MSANTD4: variants seen among roughly 807,000 people sequenced by gnomAD.
MSANTD4 encodes the protein Myb/SANT DNA binding domain containing 4 with coiled-coils.
A neutral mutation model predicts 34.3 loss-of-function variants in MSANTD4; 13 were observed. The ratio of observed to expected loss-of-function variants is 0.38; its 90% CI spans 0.25 to 0.60. MSANTD4 has a LOEUF of 0.60. Among genes scored for constraint, MSANTD4 ranks in the 20% least tolerant of loss-of-function variants. The probability of loss-of-function intolerance (pLI) is 0.63; values close to 1 mark genes in which losing one functional copy is unlikely to be tolerated. For missense variants in MSANTD4, 358 were observed against 401.8 expected, an observed-to-expected ratio of 0.89 and a Z score of 0.93; for synonymous variants, 137 against 145.2, an observed-to-expected ratio of 0.94 and a Z score of 0.41.
chr11:106,020,254 TAAAA>T (rs1363488914), intron 1 of MSANTD4, among the ~76,000 whole-genome samples: 1 of 152,030 alleles, frequency 6.6e-6, no homozygotes, highest in Non-Finnish European at 1.5e-5. Context: ...GGGACAGAAA[TAAAA>T]GAAAGAAGTA....
At position 106,009,916 on chromosome 11, in the gene MSANTD4, C is replaced by T; in HGVS notation, c.657G>A (p.Leu219=). The T allele has an allele frequency of 6.2e-7, 1 of 1,613,694 alleles. No homozygotes were observed. The highest frequency in any genetic ancestry group is 8.5e-7 in the Non-Finnish European group (1 of 1,179,982). ...KQKLELEKRR[L]DIEAERLQVE... is the part of the protein sequence containing the mutation. ...CCTGCAGCCTTTCGGCCTCGATATC[C>T]AGTCGTCGTTTTTCCAACTCTAGTT... Residue 219 remains leucine, a synonymous_variant, in exon 3 of 3, where the codon CTG becomes CTA. Coordinates refer to ENST00000301919, the MANE Select transcript of MSANTD4 (RefSeq NM_032424.3).
intron 1 of MSANTD4, among the ~76,000 whole-genome samples, chr11:106,015,185 A>C (rs1215392726): frequency 1.3e-5 from 2 of 152,192 alleles, no homozygotes; most frequent in Admixed American, 6.5e-5. Context: ...ACATCAAAAG[A>C]GGTAGTGTGT....
In MSANTD4 at chr11:106,011,131, T is replaced by C. The variant is rs1591518486; in HGVS notation, c.-150-64A>G. On this transcript the variant is annotated intron_variant, in intron 1 of 2. Coordinates refer to ENST00000301919, the MANE Select transcript of MSANTD4 (RefSeq NM_032424.3). ...ACTTCTACAACATACTTCAACCTAA[T>C]GAACTATATAATTTTTAAGAGAAAC... 6 of 770,582 alleles carry C rather than the reference T, an allele frequency of 7.8e-6. No homozygotes were observed. In the South Asian group the frequency reaches 9.9e-5, roughly 13 times the overall value. 47.7% of individuals were successfully genotyped at this position (770,582 alleles called of 1,614,324 possible). A position where few individuals can be genotyped will look rare whatever the true frequency, so the allele number is the denominator to read the frequency against.
intron 1 of MSANTD4, among the ~76,000 whole-genome samples, chr11:106,012,160 T>A (rs189490408): frequency 0.033 from 3,878 of 117,986 alleles, 66 homozygotes; most frequent in Middle Eastern, 0.05. Context: ...AAAAAAAAAA[T>A]GATCACTCAA....
Position 106,010,626 on chromosome 11 carries a change from G to C in MSANTD4, c.292C>G (p.Leu98Val). Residue 98 changes from leucine (L) to valine (V), a missense_variant, in exon 2 of 3, where the codon CTT becomes GTT. Physicochemically the swap from Leu to Val is conservative, Grantham distance 32. Transcript: ENST00000301919. ...GAGTCATCCAAATCAGAGGAGGGAA[G>C]GGGAAATCCTGAACCAACCAGCTTA... ...NIKLVGSGFP[L>V]PSSDLDDSLT... 6.2e-7 allele frequency: 1 copy of C among 1,614,142 alleles called. No individual in the cohort carries two copies. The highest frequency in any genetic ancestry group is 8.5e-7 in the Non-Finnish European group (1 of 1,180,012).
intron 1 of MSANTD4, among the ~76,000 whole-genome samples, chr11:106,013,554 A>G (rs1859759345): frequency 6.6e-6 from 1 of 152,190 alleles, no homozygotes; most frequent in Admixed American, 6.5e-5. Context: ...AGCTTGTGAT[A>G]GCTAAACCTT....
Position 106,009,670 on chromosome 11 carries a change from C to G in MSANTD4, c.903G>C (p.Glu301Asp). ...CCTTTTCCAGTTGCAAGCGTTCTCG[C>G]TCAAGTTTTAACTTCTCTGTTTCTA... ...QDIETEKLKL[E>D]RERLQLEKDR... is the part of the protein sequence containing the mutation. Residue 301 changes from glutamate to aspartate, a missense_variant, in exon 3 of 3, where the codon GAG (glutamate) becomes GAC (aspartate). By Grantham distance (45) the Glu-to-Asp change is conservative (BLOSUM62 2). This residue lies in a region of MSANTD4 where 312 missense variants were observed against 317.6 expected (regional missense o/e 0.98). Transcript: ENST00000301919. The G allele has an allele frequency of 1.9e-6, 3 of 1,614,200 alleles. No homozygotes were observed. The highest frequency in any genetic ancestry group is 2.5e-6 in the Non-Finnish European group (3 of 1,180,044).
rs1051240470 is a variant in MSANTD4 at position 106,021,289 on chromosome 11, T to C, written c.-478A>G. The C allele has an allele frequency of 2.6e-5, 4 of 152,290 alleles. No homozygotes were observed. Among genetic ancestry groups the C allele is most frequent in the Admixed American group, 2.6e-4 (4 of 15,304 alleles). The allele number at this position is 152,290 out of a possible 1,614,324, so 9.4% of individuals were successfully genotyped here. A position where few individuals can be genotyped will look rare whatever the true frequency, so the allele number is the denominator to read the frequency against. On this transcript the variant is annotated 5_prime_UTR_variant, in exon 1 of 3. The change abolishes an upstream ATG in the 5' untranslated region. Coordinates refer to ENST00000301919, the MANE Select transcript of MSANTD4 (RefSeq NM_032424.3). ...TATGCCCAATCACAGAGAACAGCCA[T>C]TTTCTAAAATCCCATTTCACAATCG...
Position 106,008,654 on chromosome 11 carries a change from T to A in MSANTD4, c.*881A>T, listed in dbSNP as rs1257788340. 6.6e-6 allele frequency: 1 copy of A among 152,238 alleles called. No individual in the cohort carries two copies. Among genetic ancestry groups the A allele is most frequent in the Admixed American group, 6.5e-5 (1 of 15,286 alleles). The allele number at this position is 152,238 out of a possible 1,614,324, so 9.4% of individuals were successfully genotyped here. On this transcript the variant is annotated 3_prime_UTR_variant, in exon 3 of 3. Coordinates refer to ENST00000301919, the MANE Select transcript of MSANTD4 (RefSeq NM_032424.3). ...TGGTATCATTTTTACTAGCTTCAAC[T>A]ATTCACTTATAAGATTTCAGTACAT...
At chr11:106,012,324 C>T (rs1289728122) in intron 1 of MSANTD4, among the ~76,000 whole-genome samples, 2 of 152,168 alleles carry the variant, frequency 1.3e-5, no homozygotes. Flanking sequence ...CCCCTAACAT[C>T]AAACAAAACC....
rs1226913116 is a variant in MSANTD4 at position 106,021,250 on chromosome 11, A to C, written c.-439T>G. On this transcript the variant is annotated 5_prime_UTR_variant, in exon 1 of 3. Coordinates refer to ENST00000301919, the MANE Select transcript of MSANTD4 (RefSeq NM_032424.3). Reference sequence around the variant, plus strand: ...GGATTCAACAGCTGCAGTCTCTAAAACTTACAAACCTTCTATGCCCAATCA... The same window carrying C: ...GGATTCAACAGCTGCAGTCTCTAAACCTTACAAACCTTCTATGCCCAATCA... 1 of 152,226 alleles carries C rather than the reference A, an allele frequency of 6.6e-6. No individual in the cohort carries two copies. The highest frequency in any genetic ancestry group is 1.5e-5 in the Non-Finnish European group (1 of 68,040). 9.4% of individuals were successfully genotyped at this position (152,226 alleles called of 1,614,324 possible).
rs1410143885 is a variant in MSANTD4, at chr11:106,010,098, C to T, written c.475G>A (p.Glu159Lys). The T allele has an allele frequency of 1.3e-6, 2 of 1,562,168 alleles. No homozygotes were observed. Among genetic ancestry groups the T allele is most frequent in the Non-Finnish European group, 1.7e-6 (2 of 1,161,890 alleles). The stretch of plus-strand genomic sequence containing the variant: ...ACGGATGACAACATTTCTTCCTCCT[C>T]CTCAATTTCAAACTAAGAGCAAAGA... Reference protein sequence around the residue: ...DPQSPEFEIEEEEEMLSSVIP... With the variant: ...DPQSPEFEIEKEEEMLSSVIP... Residue 159 changes from glutamate to lysine, a missense_variant, in exon 3 of 3, where the codon GAG becomes AAG. Physicochemically the swap from Glu to Lys is moderately conservative, Grantham distance 56 (BLOSUM62 1). Around this residue, in one of 2 missense-constraint regions of MSANTD4, gnomAD observed 312 missense variants for 317.6 expected, o/e 0.98. Coordinates refer to ENST00000301919, the MANE Select transcript of MSANTD4 (RefSeq NM_032424.3).
intron 1 of MSANTD4, among the ~76,000 whole-genome samples, chr11:106,019,030 T>A (rs1859945875): frequency 6.6e-6 from 1 of 152,222 alleles, no homozygotes; most frequent in Non-Finnish European, 1.5e-5. Flanking sequence ...TCCATTGCAC[T>A]TAAGAGGTAA....
In MSANTD4 at chr11:106,013,997, C is replaced by G. The variant is rs1402868250; in HGVS notation, c.-150-2930G>C. Among the ~76,000 whole-genome samples the G allele has an allele frequency of 2.6e-5, 4 of 152,188 alleles. No individual in the cohort carries two copies. The East Asian group carries it at 7.7e-4, about 29-fold the overall frequency. The stretch of plus-strand genomic sequence containing the variant: ...TTTCAATCGGTTACATTTCCTCTAC[C>G]TCCTGTTAAAGTAAATTAGACCGGA... On this transcript the variant is annotated intron_variant, in intron 1 of 2. Coordinates refer to ENST00000301919, the MANE Select transcript of MSANTD4 (RefSeq NM_032424.3).
At chr11:106,015,322 A>G (rs966838700) in intron 1 of MSANTD4, among the ~76,000 whole-genome samples, 2 of 152,210 alleles carry the variant, frequency 1.3e-5, no homozygotes, top group Admixed American at 6.5e-5. Context: ...TAAAATGATA[A>G]TAACATTACT....
chr11:106,009,893 T>C lies in MSANTD4; in HGVS notation c.680A>G (p.Gln227Arg), dbSNP rs1859638394. The change falls in exon 3 of 3, where the codon CAG (glutamine) becomes CGG (arginine). Residue 227 changes from glutamine to arginine, a missense_variant. Gln to Arg is a conservative substitution (Grantham distance 43). Around this residue, in one of 2 missense-constraint regions of MSANTD4, gnomAD observed 312 missense variants for 317.6 expected, o/e 0.98. Coordinates refer to ENST00000301919, the MANE Select transcript of MSANTD4 (RefSeq NM_032424.3). ...RRLDIEAERL[Q>R]VEKERLQIEK... ...GATTTGTAGGCGTTCCTTTTCTACC[T>C]GCAGCCTTTCGGCCTCGATATCCAG... is the stretch of plus-strand genomic sequence containing the variant. The C allele has an allele frequency of 6.2e-7, 1 of 1,613,576 alleles. No homozygotes were observed. The highest frequency in any genetic ancestry group is 1.1e-5 in the South Asian group (1 of 91,012).
At chr11:106,014,736 C>T (rs1193674781) in intron 1 of MSANTD4, among the ~76,000 whole-genome samples, 1 of 152,216 alleles carries the variant, frequency 6.6e-6, no homozygotes, top group Non-Finnish European at 1.5e-5. Flanking sequence ...CTTCAGCTGA[C>T]TTTGTACGTG....
At chr11:106,018,193 T>C (rs1859914114) in intron 1 of MSANTD4, among the ~76,000 whole-genome samples, 2 of 152,250 alleles carry the variant, frequency 1.3e-5, no homozygotes, top group African/African-American at 4.8e-5. Flanking sequence ...AGTCAATATA[T>C]TATTTCAATA....
chr11:106,017,370 C>T (rs948657931), intron 1 of MSANTD4, among the ~76,000 whole-genome samples: 4 of 152,172 alleles, frequency 2.6e-5, no homozygotes, highest in Non-Finnish European at 4.4e-5. Context: ...TCTGTCTCAG[C>T]CATATGGCTG....
Sources: allele counts gnomAD v4.1 joint callset (sites outside exome capture counted in the v4.1 genomes callset), GRCh38; gene constraint gnomAD v4.1.1; regional missense constraint gnomAD v4.1.1; transcripts MANE v1.5; gene names NCBI Gene and HGNC (gene_info 2026-07-23, HGNC 2026-07-21).